Variants in NIPA1 observed in about 807,000 individuals in gnomAD.
NIPA1 encodes the protein magnesium transporter NIPA1.
NIPA1 carries 13 observed loss-of-function variants against 23.9 expected under a neutral mutation model. That is an observed-to-expected ratio of 0.54 (90% CI 0.35 to 0.87). The LOEUF is 0.87. Among genes scored for constraint, NIPA1 ranks in the 40% least tolerant of loss-of-function variants. NIPA1 has a pLI of 0.01. For missense variants in NIPA1, 362 were observed against 429.7 expected (o/e 0.84, Z 1.39); for synonymous variants, 234 against 202.9 (o/e 1.15, Z -1.30).
At chr15:22,808,870 A>G (rs1026479570) in intron 1 of NIPA1, among the ~76,000 whole-genome samples, 10 of 151,806 alleles carry the variant, frequency 6.6e-5, no homozygotes, top group Admixed American at 2.0e-4. Flanking sequence ...GAGTCTTGCT[A>G]TGTTGCCCAG....
In NIPA1 at chr15:22,807,285, A is replaced by T. The variant is rs1297512158; in HGVS notation, c.179-3464A>T. Among the ~76,000 whole-genome samples, 2 of 152,212 alleles carry T rather than the reference A, an allele frequency of 1.3e-5. 1 individual carries two copies. The highest frequency in any genetic ancestry group is 4.8e-5 in the African/African-American group (2 of 41,450). ...CAATGTTGGGATAACCATAGCAGTG[A>T]AAGGGGGGTGCCTATGGGCCTCATT... is the stretch of plus-strand genomic sequence containing the variant. On this transcript the variant is annotated intron_variant, in intron 1 of 4. Coordinates refer to ENST00000337435, the MANE Select transcript of NIPA1 (RefSeq NM_144599.5).
chr15:22,809,781 TGTAA>T (rs1254377684), intron 1 of NIPA1, among the ~76,000 whole-genome samples: 1 of 149,512 alleles, frequency 6.7e-6, no homozygotes, highest in Non-Finnish European at 1.5e-5. Flanking sequence ...GGCTCACACC[TGTAA>T]TCCCAGCATT....
intron 4 of NIPA1, 139 bp downstream of exon 4, chr15:22,820,612 T>C (rs1895518036): frequency 2.6e-6 from 2 of 779,682 alleles, no homozygotes; most frequent in African/African-American, 3.4e-5. Flanking sequence ...TAGATCTGTG[T>C]TCTCTGGGAA....
intron 1 of NIPA1, among the ~76,000 whole-genome samples, chr15:22,809,817 A>G (rs1326724448): frequency 6.6e-6 from 1 of 151,726 alleles, no homozygotes; most frequent in Non-Finnish European, 1.5e-5. Flanking sequence ...AGGTGGGCGG[A>G]TCACCTGAGA....
chr15:22,786,768 T>G lies in NIPA1; in HGVS notation c.112T>G (p.Ser38Ala). Residue 38 changes from serine (S) to alanine (A), a missense_variant, in exon 1 of 5, where the codon TCG becomes GCG. This residue lies in a region of NIPA1 where 85 missense variants were observed against 57.7 expected (regional missense o/e 1.47). Transcript: ENST00000337435. ...VSLGLGVAVV[S>A]SLVNGSTFVL... The stretch of plus-strand genomic sequence containing the variant: ...GCTCGGCCTGGGCGTGGCCGTCGTG[T>G]CGAGCCTGGTGAACGGGTCCACGTT... 1 of 1,310,020 alleles carries G rather than the reference T, an allele frequency of 7.6e-7. No homozygotes were observed. Among genetic ancestry groups the G allele is most frequent in the Non-Finnish European group, 9.9e-7 (1 of 1,008,956 alleles). The allele number at this position is 1,310,020 out of a possible 1,614,324, so 81.1% of individuals were successfully genotyped here. A position where few individuals can be genotyped will look rare whatever the true frequency, so the allele number is the denominator to read the frequency against.
intron 1 of NIPA1, among the ~76,000 whole-genome samples, chr15:22,803,663 C>T (rs1428156042): frequency 2.1e-5 from 3 of 143,538 alleles, no homozygotes; most frequent in Admixed American, 7.2e-5. Context: ...CACCTGCTAC[C>T]GGGCCCGGCT....
Position 22,820,518 on chromosome 15 carries a change from G to A in NIPA1, c.478+45G>A, listed in dbSNP as rs1222436504. On this transcript the variant is annotated intron_variant, in intron 4 of 4. Transcript: ENST00000337435. Reference sequence around the variant, plus strand: ...ACTGCCAAGAAAGTTTGCAGTAGGAGTGCCAACTTTTTTAACCACGTCTTC... The same window carrying A: ...ACTGCCAAGAAAGTTTGCAGTAGGAATGCCAACTTTTTTAACCACGTCTTC... The A allele has an allele frequency of 2.0e-6, 3 of 1,513,274 alleles. No individual in the cohort carries two copies. In the East Asian group the frequency reaches 6.8e-5, roughly 34 times the overall value. 93.7% of individuals were successfully genotyped at this position (1,513,274 alleles called of 1,614,324 possible). A position where few individuals can be genotyped will look rare whatever the true frequency, so the allele number is the denominator to read the frequency against.
chr15:22,813,514 G>A, intron 3 of NIPA1: 1 of 401,010 alleles, frequency 2.5e-6, no homozygotes. Context: ...ATCCTCGTGT[G>A]AACCTATTTA....
intron 1 of NIPA1, among the ~76,000 whole-genome samples, chr15:22,804,721 T>C (rs988287545): frequency 1.3e-5 from 2 of 152,172 alleles, no homozygotes; most frequent in African/African-American, 2.4e-5. Context: ...ATTGTACTGG[T>C]GCTTCATTCA....
chr15:22,827,219 CCT>C lies in NIPA1; in HGVS notation c.*2983_*2984del, dbSNP rs1258691000. 6 of 152,158 alleles carry C rather than the reference CCT, an allele frequency of 3.9e-5. No individual in the cohort carries two copies. Among genetic ancestry groups the C allele is most frequent in the Non-Finnish European group, 5.9e-5 (4 of 68,038 alleles). 9.4% of individuals were successfully genotyped at this position (152,158 alleles called of 1,614,324 possible). On this transcript the variant is annotated 3_prime_UTR_variant, in exon 5 of 5. Transcript: ENST00000337435. ...AGATACTTAAATAGGCTATTTCTCT[CCT>C]CTTCTTGGGCAATGCCTTGTTTTCT...
At chr15:22,806,214 C>A (rs561379978) in intron 1 of NIPA1, among the ~76,000 whole-genome samples, 3 of 152,178 alleles carry the variant, frequency 2.0e-5, no homozygotes, top group African/African-American at 7.2e-5. Flanking sequence ...TGAGCCACCG[C>A]GCCCGGCCTA....
chr15:22,797,574 C>T (rs573580780), intron 1 of NIPA1, among the ~76,000 whole-genome samples: 32 of 138,828 alleles, frequency 2.3e-4, no homozygotes, highest in African/African-American at 6.8e-4. Flanking sequence ...GGTGCAATCT[C>T]GGCACACTGC....
intron 4 of NIPA1, among the ~76,000 whole-genome samples, chr15:22,821,112 T>C (rs1271404303): frequency 6.6e-6 from 1 of 151,884 alleles, no homozygotes; most frequent in African/African-American, 2.4e-5. Flanking sequence ...TACAGGCGCC[T>C]GCCACCATGC....
chr15:22,801,507 C>CTT (rs35360583), intron 1 of NIPA1, among the ~76,000 whole-genome samples: 72 of 78,966 alleles, frequency 9.1e-4, no homozygotes, highest in Non-Finnish European at 1.4e-3. Flanking sequence ...CTTCTAGCGA[C>CTT]TTTTTTTTTT....
intron 1 of NIPA1, among the ~76,000 whole-genome samples, chr15:22,810,060 C>T (rs186283606): frequency 6.6e-6 from 1 of 150,772 alleles, no homozygotes; most frequent in East Asian, 1.9e-4. Flanking sequence ...AAAAAAAGTG[C>T]TTAGGAGCAT....
intron 3 of NIPA1, among the ~76,000 whole-genome samples, chr15:22,816,563 C>T (rs1895424708): frequency 7.6e-6 from 1 of 131,168 alleles, no homozygotes; most frequent in South Asian, 2.7e-4. Flanking sequence ...GTGCTGTCGG[C>T]TCACTGCAAC....
At chr15:22,811,824 T>C (rs17137332) in intron 2 of NIPA1, among the ~76,000 whole-genome samples, 35,738 of 152,070 alleles carry the variant, frequency 0.24, 6,249 homozygotes, top group African/African-American at 0.48. Flanking sequence ...CCCAGGCCAC[T>C]AGAGGGTGCA....
At chr15:22,792,823 G>C (rs1208212357) in intron 1 of NIPA1, among the ~76,000 whole-genome samples, 1 of 151,826 alleles carries the variant, frequency 6.6e-6, no homozygotes, top group Non-Finnish European at 1.5e-5. Context: ...GTGTGGTGGT[G>C]GGCACCTGTA....
At chr15:22,802,800 T>C (rs1452064437) in intron 1 of NIPA1, among the ~76,000 whole-genome samples, 4 of 150,710 alleles carry the variant, frequency 2.7e-5, no homozygotes, top group African/African-American at 7.4e-5. Flanking sequence ...AATGGAATTA[T>C]ATAGTATGTA....
Sources: gnomAD v4.1 joint callset for allele counts (sites outside exome capture counted in the v4.1 genomes callset) on GRCh38, gnomAD v4.1.1 for gene constraint, gnomAD v4.1.1 regional missense constraint, MANE v1.5 for transcripts, NCBI Gene and HGNC (gene_info 2026-07-23, HGNC 2026-07-21) for gene names.